MAP2K1: variants seen among roughly 807,000 people sequenced by gnomAD.
The protein encoded by MAP2K1 is dual specificity mitogen-activated protein kinase kinase 1.
MAP2K1 carries 16 observed loss-of-function variants against 46.3 expected under a neutral mutation model. The observed-to-expected ratio is 0.35, with a 90% CI of 0.23 to 0.52. MAP2K1 has a LOEUF of 0.52. Ranked by LOEUF, MAP2K1 falls within the 20% of genes least tolerant of loss-of-function variation. The probability of loss-of-function intolerance (pLI) is 0.94; values close to 1 mark genes in which losing one functional copy is unlikely to be tolerated. For missense variants in MAP2K1, 263 were observed against 497.1 expected (o/e 0.53, Z 4.48); for synonymous variants, 183 against 185.6 (o/e 0.99, Z 0.11).
intron 1 of MAP2K1, among the ~76,000 whole-genome samples, chr15:66,417,241 T>C (rs2093426693): frequency 6.6e-6 from 1 of 152,246 alleles, no homozygotes; most frequent in Non-Finnish European, 1.5e-5. Context: ...GTTAATTTGA[T>C]GGTCTAACTA....
chr15:66,422,920 C>T (rs1299281452), intron 1 of MAP2K1, among the ~76,000 whole-genome samples: 1 of 150,570 alleles, frequency 6.6e-6, no homozygotes, highest in African/African-American at 2.4e-5. Flanking sequence ...TTCTTTTATT[C>T]TTTTTTTTTG....
intron 1 of MAP2K1, among the ~76,000 whole-genome samples, chr15:66,428,396 T>C (rs1032130902): frequency 6.6e-5 from 10 of 151,564 alleles, no homozygotes; most frequent in Admixed American, 5.9e-4. Context: ...AAGCCTAAAA[T>C]CTGCAGGGAT....
chr15:66,420,717 A>ATATATATATATG (rs2093436237), intron 1 of MAP2K1, among the ~76,000 whole-genome samples: 1 of 32,818 alleles, frequency 3.0e-5, no homozygotes, highest in Admixed American at 3.0e-4. Flanking sequence ...ATATATATAT[A>ATATATATATATG]TATATGTGTG....
chr15:66,407,993 CTTTGAG>C (rs1454637012), intron 1 of MAP2K1, among the ~76,000 whole-genome samples: 1 of 152,238 alleles, frequency 6.6e-6, no homozygotes, highest in African/African-American at 2.4e-5. Context: ...AGCCAGCAGA[CTTTGAG>C]TTTGAATTCT....
chr15:66,462,317 T>C (rs1437318100), intron 5 of MAP2K1, among the ~76,000 whole-genome samples: 2 of 151,886 alleles, frequency 1.3e-5, no homozygotes, highest in Non-Finnish European at 2.9e-5. Flanking sequence ...CTGGCCAACA[T>C]GGTGAAACCC....
chr15:66,446,176 C>T (rs536661104), intron 5 of MAP2K1, among the ~76,000 whole-genome samples: 8 of 152,182 alleles, frequency 5.3e-5, no homozygotes, highest in South Asian at 4.1e-4. Context: ...GCCAAGATTG[C>T]GCCACTGCAC....
chr15:66,473,856 A>G (rs1212693445), intron 5 of MAP2K1, among the ~76,000 whole-genome samples: 2 of 151,826 alleles, frequency 1.3e-5, no homozygotes, highest in Non-Finnish European at 2.9e-5. Flanking sequence ...TTTTTTTGGT[A>G]TTTTTAGTAG....
intron 1 of MAP2K1, among the ~76,000 whole-genome samples, chr15:66,390,095 A>G (rs1387782661): frequency 6.6e-6 from 1 of 152,168 alleles, no homozygotes; most frequent in African/African-American, 2.4e-5. Flanking sequence ...ATTATGTGTT[A>G]AGGTGCCTTT....
intron 7 of MAP2K1, 152 bp downstream of exon 7, chr15:66,485,343 T>C: frequency 1.4e-6 from 1 of 731,370 alleles, no homozygotes; most frequent in Non-Finnish European, 2.2e-6. Context: ...GCAGCAAGGG[T>C]CTCCAGGTGG....
In MAP2K1 at chr15:66,481,770, A is replaced by G. The variant is rs2140667354; in HGVS notation, c.584A>G (p.Asn195Ser). Residue 195 changes from asparagine to serine, a missense_variant, in exon 6 of 11, where the codon AAC (asparagine) becomes AGC (serine). This residue lies in a region of MAP2K1 where 103 missense variants were observed against 221.6 expected (regional missense o/e 0.46). Coordinates refer to ENST00000307102, the MANE Select transcript of MAP2K1 (RefSeq NM_002755.4). ...TTCCCTGCAGATGTCAAGCCCTCCA[A>G]CATCCTAGTCAACTCCCGTGGGGAG... The part of the protein sequence containing the change: ...KIMHRDVKPS[N>S]ILVNSRGEIK... 1 of 1,612,936 alleles carries G rather than the reference A, an allele frequency of 6.2e-7. No homozygotes were observed. The highest frequency in any genetic ancestry group is 8.5e-7 in the Non-Finnish European group (1 of 1,179,890).
chr15:66,489,908 CAGT>C, intron 10 of MAP2K1, 145 bp downstream of exon 10: 1 of 779,736 alleles, frequency 1.3e-6, no homozygotes, highest in South Asian at 1.4e-5. Context: ...TACCAAACAC[CAGT>C]CTCCTTTGCT....
intron 1 of MAP2K1, among the ~76,000 whole-genome samples, chr15:66,397,715 G>A (rs1595838097): frequency 2.0e-5 from 3 of 152,172 alleles, no homozygotes; most frequent in African/African-American, 4.8e-5. Context: ...TAGCAAATAC[G>A]GGGATAGAGG....
intron 1 of MAP2K1, among the ~76,000 whole-genome samples, chr15:66,405,521 A>G (rs1185322935): frequency 6.6e-6 from 1 of 152,188 alleles, no homozygotes; most frequent in African/African-American, 2.4e-5. Flanking sequence ...TTATTCCACA[A>G]AGGAGAAAAT....
intron 1 of MAP2K1, among the ~76,000 whole-genome samples, chr15:66,423,311 T>C (rs1197596984): frequency 6.6e-6 from 1 of 152,224 alleles, no homozygotes. Context: ...CATAGTTATT[T>C]TAAGGCCTCT....
At chr15:66,434,231 A>G (rs566635880) in intron 1 of MAP2K1, among the ~76,000 whole-genome samples, 1 of 152,320 alleles carries the variant, frequency 6.6e-6, no homozygotes, top group Non-Finnish European at 1.5e-5. Context: ...GAACATTAAG[A>G]TTGGGGGAAA....
chr15:66,442,254 C>A (rs2093506201), intron 3 of MAP2K1, among the ~76,000 whole-genome samples: 1 of 152,184 alleles, frequency 6.6e-6, no homozygotes, highest in Non-Finnish European at 1.5e-5. Flanking sequence ...AAAGTCAAGT[C>A]CCGGTTCCTT....
At chr15:66,413,665 C>G (rs1186263773) in intron 1 of MAP2K1, among the ~76,000 whole-genome samples, 1 of 151,872 alleles carries the variant, frequency 6.6e-6, no homozygotes, top group Non-Finnish European at 1.5e-5. Context: ...TTGTATACCT[C>G]ACACTGGGTT....
At chr15:66,392,255 G>GTTTTTTTTTTTTTTTTTTTTTTTT (rs58831070) in intron 1 of MAP2K1, among the ~76,000 whole-genome samples, 18 of 97,754 alleles carry the variant, frequency 1.8e-4, no homozygotes, top group African/African-American at 7.7e-4. Context: ...TTTTTTTTGG[G>GTTTTTTTTTTTTTTTTTTTTTTTT]TTTTTTTTTT....
chr15:66,406,806 G>A (rs1252385389), intron 1 of MAP2K1, among the ~76,000 whole-genome samples: 6 of 152,052 alleles, frequency 3.9e-5, no homozygotes, highest in South Asian at 2.1e-4. Context: ...TGAGGCGGGC[G>A]GATCACCTGA....
Sources: allele counts gnomAD v4.1 joint callset (sites outside exome capture counted in the v4.1 genomes callset), GRCh38; gene constraint gnomAD v4.1.1; regional missense constraint gnomAD v4.1.1; transcripts MANE v1.5; gene names NCBI Gene and HGNC (gene_info 2026-07-23, HGNC 2026-07-21).